PAFAH1B2: variants seen among roughly 807,000 people sequenced by gnomAD.
PAFAH1B2 encodes platelet activating factor acetylhydrolase 1b catalytic subunit 2, also known as platelet-activating factor acetylhydrolase IB subunit alpha2.
In PAFAH1B2, 8 loss-of-function variants were observed where a neutral mutation model predicts 28.0. That is an observed-to-expected ratio of 0.29 (90% CI 0.17 to 0.52). The LOEUF is 0.52. PAFAH1B2 is among the 20% of genes least tolerant of loss of function. The pLI is 0.97. For synonymous variants in PAFAH1B2, 104 were observed against 103.2 expected (o/e 1.01, Z -0.05); for missense variants, 190 against 282.6 (o/e 0.67, Z 2.35).
chr11:117,170,159 AGTTTGC>A lies in PAFAH1B2; in HGVS notation c.*2463_*2468del. On this transcript the variant is annotated 3_prime_UTR_variant, in exon 6 of 6. Transcript: ENST00000527958. ...TTAATCTATTTTTCTTTGACATCCT[AGTTTGC>A]GTCAGTGACAGAACTTACTGCTTAG... 9.5e-7 allele frequency: 1 copy of A among 1,055,044 alleles called. No homozygotes were observed. Among genetic ancestry groups the A allele is most frequent in the Non-Finnish European group, 1.1e-6 (1 of 872,886 alleles). 65.4% of individuals were successfully genotyped at this position (1,055,044 alleles called of 1,614,324 possible).
At chr11:117,161,763 C>A (rs1352719325) in intron 4 of PAFAH1B2, among the ~76,000 whole-genome samples, 1 of 152,038 alleles carries the variant, frequency 6.6e-6, no homozygotes, top group Non-Finnish European at 1.5e-5. Flanking sequence ...GCTTCGGCCT[C>A]CCAAAAGTGC....
chr11:117,152,192 ATG>A lies in PAFAH1B2; in HGVS notation c.-7-247_-7-246del, dbSNP rs1956167151. 2.6e-5 allele frequency among the ~76,000 whole-genome samples: 4 copies of A among 152,324 alleles called. No homozygotes were observed. The South Asian group carries it at 8.3e-4, about 32-fold the overall frequency. ...TATATACTTGGAGGAGATTTTTTAA[ATG>A]TACTGCACTGCAACTAAGTCATATT... is the stretch of plus-strand genomic sequence containing the variant. On this transcript the variant is annotated intron_variant, in intron 1 of 5. Coordinates refer to ENST00000527958, the MANE Select transcript of PAFAH1B2 (RefSeq NM_002572.4).
In PAFAH1B2 at chr11:117,159,691, CGCCACT is replaced by C. The variant is rs1956327363; in HGVS notation, c.82-241_82-236del. On this transcript the variant is annotated intron_variant, in intron 2 of 5. Coordinates refer to ENST00000527958, the MANE Select transcript of PAFAH1B2 (RefSeq NM_002572.4). ...CAGAAGTTGCAGTGAGCCAAGATCA[CGCCACT>C]GTACTCCAGCCTGGGTGAGAGAGCC... is the stretch of plus-strand genomic sequence containing the variant. 7.5e-6 allele frequency: 3 copies of C among 401,390 alleles called. No individual in the cohort carries two copies. The South Asian group carries it at 1.4e-4, about 18-fold the overall frequency. 24.9% of individuals were successfully genotyped at this position (401,390 alleles called of 1,614,324 possible). A position where few individuals can be genotyped will look rare whatever the true frequency, so the allele number is the denominator to read the frequency against.
chr11:117,172,784 A>G (rs1046794599), downstream of PAFAH1B2, among the ~76,000 whole-genome samples: 9 of 152,134 alleles, frequency 5.9e-5, no homozygotes, highest in South Asian at 2.1e-4. Flanking sequence ...GTTTACTGCA[A>G]TCTCTGCCTC....
intron 5 of PAFAH1B2, among the ~76,000 whole-genome samples, chr11:117,165,100 C>T (rs144037495): frequency 0.029 from 4,299 of 150,412 alleles, 188 homozygotes; most frequent in East Asian, 0.2. Flanking sequence ...GGACTACAGG[C>T]GCCCGCCACC....
chr11:117,145,502 T>C (rs1955982249), intron 1 of PAFAH1B2, among the ~76,000 whole-genome samples: 1 of 152,202 alleles, frequency 6.6e-6, no homozygotes, highest in South Asian at 2.1e-4. Context: ...AAGATTGTCT[T>C]TGCCTTGGAT....
At chr11:117,171,677 G>A (rs1024746308), downstream of PAFAH1B2, 7 of 1,533,400 alleles carry the variant, frequency 4.6e-6, no homozygotes, top group Admixed American at 1.4e-4. Flanking sequence ...CTAGAACAAG[G>A]GTCGGTTAAC....
chr11:117,154,752 C>G (rs1488422692), intron 2 of PAFAH1B2, among the ~76,000 whole-genome samples: 1 of 152,046 alleles, frequency 6.6e-6, no homozygotes, highest in Non-Finnish European at 1.5e-5. Flanking sequence ...CTTTAAAAAT[C>G]TTTTAAGCAT....
At position 117,167,563 on chromosome 11, in the gene PAFAH1B2, C is replaced by T. The variant is rs757287568; in HGVS notation, c.554C>T (p.Ala185Val). ...TDGGFVHSDG[A>V]ISCHDMFDFL... is the part of the protein sequence containing the mutation. ...GGGGGTTTTGTGCACTCGGACGGTGCCATCTCCTGCCACGACATGTTTGAT... is the reference window on the plus strand; with the variant it reads ...GGGGGTTTTGTGCACTCGGACGGTGTCATCTCCTGCCACGACATGTTTGAT... Residue 185 changes from alanine (A) to valine (V), a missense_variant, in exon 6 of 6, where the codon GCC becomes GTC. Physicochemically the swap from Ala to Val is moderately conservative, Grantham distance 64. Coordinates refer to ENST00000527958, the MANE Select transcript of PAFAH1B2 (RefSeq NM_002572.4). 1 of 1,612,748 alleles carries T rather than the reference C, an allele frequency of 6.2e-7. No individual in the cohort carries two copies.
intron 5 of PAFAH1B2, among the ~76,000 whole-genome samples, chr11:117,164,648 T>C (rs1014042052): frequency 1.3e-5 from 2 of 152,206 alleles, no homozygotes; most frequent in African/African-American, 4.8e-5. Context: ...ACTTTATAGT[T>C]GTACCCTGAA....
intron 5 of PAFAH1B2, among the ~76,000 whole-genome samples, chr11:117,166,330 G>T (rs1278440598): frequency 6.6e-6 from 1 of 152,184 alleles, no homozygotes; most frequent in Non-Finnish European, 1.5e-5. Flanking sequence ...CATAGTATTT[G>T]CTTAGGAAAT....
At chr11:117,158,890 C>T (rs556623301) in intron 2 of PAFAH1B2, among the ~76,000 whole-genome samples, 1 of 152,178 alleles carries the variant, frequency 6.6e-6, no homozygotes, top group East Asian at 1.9e-4. Flanking sequence ...GGTGATCTGC[C>T]CACCCTGGCC....
In PAFAH1B2 at chr11:117,163,864, G is replaced by A; in HGVS notation, c.383G>A (p.Arg128Lys). 1 of 1,613,972 alleles carries A rather than the reference G, an allele frequency of 6.2e-7. No individual in the cohort carries two copies. Among genetic ancestry groups the A allele is most frequent in the Non-Finnish European group, 8.5e-7 (1 of 1,179,916 alleles). ...IEAIVQLINT[R>K]QPQAKIIVLG... ...GCCATTGTACAACTTATCAACACAA[G>A]GCAGCCACAGGCCAAAATCATTGTA... The change falls in exon 5 of 6, where the codon AGG becomes AAG. Residue 128 changes from arginine to lysine, a missense_variant. Physicochemically the swap from Arg to Lys is conservative, Grantham distance 26. Transcript: ENST00000527958.
chr11:117,170,883 G>A lies in PAFAH1B2; in HGVS notation c.*3184G>A, dbSNP rs1219217198. 1 of 1,060,690 alleles carries A rather than the reference G, an allele frequency of 9.4e-7. No individual in the cohort carries two copies. The highest frequency in any genetic ancestry group is 1.1e-6 in the Non-Finnish European group (1 of 876,322). The allele number at this position is 1,060,690 out of a possible 1,614,324, so 65.7% of individuals were successfully genotyped here. Reference sequence around the variant, plus strand: ...TTGAAAGGAGGCTTTTTGGAGAGGGGTCCCCCAGGTTTCTTGGTGTTCCTG... The same window carrying A: ...TTGAAAGGAGGCTTTTTGGAGAGGGATCCCCCAGGTTTCTTGGTGTTCCTG... On this transcript the variant is annotated 3_prime_UTR_variant, in exon 6 of 6. Transcript: ENST00000527958.
At chr11:117,160,779 CT>C (rs113638567) in intron 3 of PAFAH1B2, among the ~76,000 whole-genome samples, 7,286 of 142,600 alleles carry the variant, frequency 0.051, 164 homozygotes, top group Non-Finnish European at 0.056. Flanking sequence ...TAAAAGATAG[CT>C]TTTTTTTTTT....
At chr11:117,171,613 C>G (rs865792492), downstream of PAFAH1B2, 3 of 1,018,640 alleles carry the variant, frequency 2.9e-6, no homozygotes, top group Middle Eastern at 4.0e-4. Context: ...ATCACCCTTA[C>G]GTCCCCAGGG....
At chr11:117,152,571 C>A in intron 2 of PAFAH1B2, 43 bp downstream of exon 2, 1 of 1,381,762 alleles carries the variant, frequency 7.2e-7, no homozygotes, top group Non-Finnish European at 1.0e-6. Context: ...AGTTGAGTCT[C>A]CAGTTTTTTG....
At chr11:117,175,701 A>G, downstream of PAFAH1B2, 1 of 1,152,006 alleles carries the variant, frequency 8.7e-7, no homozygotes, top group Non-Finnish European at 1.2e-6. Context: ...TCCACCTCCC[A>G]AGATGAATTA....
downstream of PAFAH1B2, among the ~76,000 whole-genome samples, chr11:117,172,714 T>C (rs1456357515): frequency 6.6e-6 from 1 of 152,190 alleles, no homozygotes; most frequent in African/African-American, 2.4e-5. Context: ...TACTCTATTT[T>C]TATTTTTTGG....
Sources: gnomAD v4.1 joint callset for allele counts (sites outside exome capture counted in the v4.1 genomes callset) on GRCh38, gnomAD v4.1.1 for gene constraint, MANE v1.5 for transcripts, NCBI Gene and HGNC (gene_info 2026-07-23, HGNC 2026-07-21) for gene names.